The following CADPS2 variants were observed in gnomAD, a reference collection of about 807,000 sequenced individuals.
CADPS2 encodes calcium-dependent secretion activator 2.
Under a neutral mutation model 172.5 loss-of-function variants are expected in CADPS2, and 93 were observed. The ratio of observed to expected loss-of-function variants is 0.54; its 90% confidence interval spans 0.46 to 0.64. The LOEUF is 0.64. Among genes scored for constraint, CADPS2 ranks in the 30% least tolerant of loss-of-function variants. CADPS2 has a pLI of 0.00. For synonymous variants in CADPS2, 546 were observed against 555.2 expected (o/e 0.98, Z 0.23); for missense variants, 1,420 against 1,565.9 (o/e 0.91, Z 1.57).
chr7:122,715,377 GA>G (rs2089442272), intron 2 of CADPS2, among the ~76,000 whole-genome samples: 1 of 152,106 alleles, frequency 6.6e-6, no homozygotes, highest in Non-Finnish European at 1.5e-5. Flanking sequence ...TCTCCTTCCA[GA>G]ACGCAGATGG....
chr7:122,807,178 C>T (rs2140088276), intron 1 of CADPS2, among the ~76,000 whole-genome samples: 1 of 152,302 alleles, frequency 6.6e-6, no homozygotes, highest in African/African-American at 2.4e-5. Flanking sequence ...TATGCCCCAA[C>T]CCACAGACCC....
intron 27 of CADPS2, among the ~76,000 whole-genome samples, chr7:122,350,240 T>A (rs1430047245): frequency 6.6e-6 from 1 of 152,212 alleles, no homozygotes; most frequent in Non-Finnish European, 1.5e-5. Context: ...GTCTTCGAAA[T>A]TTGAAATTGT....
At chr7:122,598,575 A>C (rs955014976) in intron 6 of CADPS2, among the ~76,000 whole-genome samples, 19 of 152,188 alleles carry the variant, frequency 1.2e-4, no homozygotes, top group African/African-American at 4.3e-4. Flanking sequence ...TTAGGGTGAC[A>C]ACTGGCTCCC....
rs543374211 is a variant in CADPS2 at position 122,643,554 on chromosome 7, C to T, written c.787-14226G>A. Among the ~76,000 whole-genome samples, 11 of 152,316 alleles carry T rather than the reference C, an allele frequency of 7.2e-5. No individual in the cohort carries two copies. In the South Asian group the frequency reaches 1.9e-3, roughly 26 times the overall value. On this transcript the variant is annotated intron_variant, in intron 3 of 29. Coordinates refer to ENST00000449022, the MANE Select transcript of CADPS2 (RefSeq NM_017954.11). ...CAACTGAAGGCCAGGTCTTTGCTTT[C>T]AAGCATCTCACAATGACCTCAAACT... is the stretch of plus-strand genomic sequence containing the variant.
intron 28 of CADPS2, among the ~76,000 whole-genome samples, chr7:122,335,030 A>G (rs1400630424): frequency 6.6e-6 from 1 of 152,148 alleles, no homozygotes; most frequent in Non-Finnish European, 1.5e-5. Flanking sequence ...CTAGATTCCT[A>G]TTGAGTAATT....
rs145371834 is a variant in CADPS2 at position 122,370,561 on chromosome 7, G to C, written c.3387+8807C>G. ...GATTATATGACAAGCAGTGTACAAA[G>C]AATAATAGATAAAGAGGATTCAGAG... On this transcript the variant is annotated intron_variant, in intron 25 of 29. Transcript: ENST00000449022. 1.8e-3 allele frequency among the ~76,000 whole-genome samples: 277 copies of C among 152,216 alleles called. 1 individual carries two copies. Among genetic ancestry groups the C allele is most frequent in the African/African-American group, 6.4e-3 (264 of 41,530 alleles).
intron 3 of CADPS2, among the ~76,000 whole-genome samples, chr7:122,646,276 A>T (rs529833591): frequency 6.6e-6 from 1 of 152,266 alleles, no homozygotes; most frequent in African/African-American, 2.4e-5. Context: ...TACTGTACAT[A>T]TGGTACAACA....
At chr7:122,762,959 A>G (rs890659559) in intron 1 of CADPS2, among the ~76,000 whole-genome samples, 6 of 152,266 alleles carry the variant, frequency 3.9e-5, no homozygotes, top group African/African-American at 1.4e-4. Context: ...AAAAAAAGCA[A>G]AAGGAAATTT....
intron 19 of CADPS2, among the ~76,000 whole-genome samples, chr7:122,409,964 T>C (rs1405748794): frequency 6.6e-6 from 1 of 152,152 alleles, no homozygotes; most frequent in African/African-American, 2.4e-5. Flanking sequence ...TTAGTGTAAA[T>C]GAGATGGCAG....
intron 1 of CADPS2, among the ~76,000 whole-genome samples, chr7:122,803,372 T>G (rs572495751): frequency 6.6e-4 from 100 of 152,290 alleles, no homozygotes; most frequent in Non-Finnish European, 1.2e-3. Context: ...GAACAAAACC[T>G]CCCTAAATTC....
chr7:122,568,455 A>C (rs2066755168), intron 7 of CADPS2, among the ~76,000 whole-genome samples: 1 of 152,164 alleles, frequency 6.6e-6, no homozygotes, highest in Admixed American at 6.5e-5. Context: ...ACAAATACAA[A>C]ACTATAGCAA....
At chr7:122,341,519 A>C (rs1200257812) in intron 28 of CADPS2, among the ~76,000 whole-genome samples, 1 of 152,264 alleles carries the variant, frequency 6.6e-6, no homozygotes, top group Non-Finnish European at 1.5e-5. Context: ...CCAGATATTT[A>C]ATGGCAGAGC....
Position 122,474,427 on chromosome 7 carries a change from T to C in CADPS2, c.1952A>G (p.Gln651Arg). ...LDHAFLFRIL[Q>R]RQTLDHRLND... is the part of the protein sequence containing the mutation. Reference sequence around the variant, plus strand: ...CAGTCTGTGATCCAAAGTCTGCCTCTGGAGTATTCTAAAAAGGAAGGCATG... The same window carrying C: ...CAGTCTGTGATCCAAAGTCTGCCTCCGGAGTATTCTAAAAAGGAAGGCATG... The change falls in exon 13 of 30, where the codon CAG becomes CGG. Residue 651 changes from glutamine (Q) to arginine (R), a missense_variant. Gln to Arg is a conservative substitution (Grantham distance 43, BLOSUM62 1). Coordinates refer to ENST00000449022, the MANE Select transcript of CADPS2 (RefSeq NM_017954.11). 2 of 1,613,522 alleles carry C rather than the reference T, an allele frequency of 1.2e-6. No individual in the cohort carries two copies. The highest frequency in any genetic ancestry group is 8.5e-7 in the Non-Finnish European group (1 of 1,179,666).
rs376578607 is a variant in CADPS2, at chr7:122,416,279, T to C, written c.2477-115A>G. On this transcript the variant is annotated intron_variant, in intron 17 of 29. Coordinates refer to ENST00000449022, the MANE Select transcript of CADPS2 (RefSeq NM_017954.11). ...TAGAATGAGAAATAAGAAATACAAA[T>C]GAATACATTATTTAGACAAAAAAAA... 1.0e-4 allele frequency: 49 copies of C among 479,406 alleles called. 1 individual carries two copies. The highest frequency in any genetic ancestry group is 3.8e-4 in the African/African-American group (19 of 49,810). 29.7% of individuals were successfully genotyped at this position (479,406 alleles called of 1,614,324 possible). A position where few individuals can be genotyped will look rare whatever the true frequency, so the allele number is the denominator to read the frequency against.
chr7:122,426,975 G>C (rs550092386), intron 17 of CADPS2, among the ~76,000 whole-genome samples: 17 of 152,166 alleles, frequency 1.1e-4, no homozygotes, highest in Non-Finnish European at 2.5e-4. Context: ...TTAGAAAACA[G>C]GTGTTGAACA....
At chr7:122,704,758 T>A (rs531990775) in intron 2 of CADPS2, among the ~76,000 whole-genome samples, 1 of 152,150 alleles carries the variant, frequency 6.6e-6, no homozygotes, top group African/African-American at 2.4e-5. Context: ...CAATCATCTA[T>A]CTCTTAAAAA....
At chr7:122,840,438 GA>G (rs953646889) in intron 1 of CADPS2, among the ~76,000 whole-genome samples, 1 of 147,738 alleles carries the variant, frequency 6.8e-6, no homozygotes, top group East Asian at 2.0e-4. Context: ...TTTAAAAAAA[GA>G]AAAAAAATGC....
At chr7:122,646,677 C>T (rs144153623) in intron 3 of CADPS2, among the ~76,000 whole-genome samples, 3,453 of 152,222 alleles carry the variant, frequency 0.023, 56 homozygotes, top group Non-Finnish European at 0.032. Flanking sequence ...TGGGGCCACA[C>T]TGAACACCAC....
At chr7:122,488,585 A>AT (rs1226070703) in intron 11 of CADPS2, among the ~76,000 whole-genome samples, 1 of 152,240 alleles carries the variant, frequency 6.6e-6, no homozygotes, top group East Asian at 1.9e-4. Context: ...ATACCAGCAC[A>AT]TAAGTAATGA....
Sources: allele counts gnomAD v4.1 joint callset (sites outside exome capture counted in the v4.1 genomes callset), GRCh38; gene constraint gnomAD v4.1.1; transcripts MANE v1.5; gene names NCBI Gene and HGNC (gene_info 2026-07-23, HGNC 2026-07-21).